Variants in CACNA2D3 observed in about 807,000 individuals in gnomAD.
CACNA2D3 encodes voltage-dependent calcium channel subunit alpha-2/delta-3.
Under a neutral mutation model 160.6 loss-of-function variants are expected in CACNA2D3, and 60 were observed. The observed-to-expected ratio is 0.37, with a 90% CI of 0.30 to 0.46. CACNA2D3 has a LOEUF of 0.46. CACNA2D3 is among the 20% of genes least tolerant of loss of function. CACNA2D3 has a pLI of 1.00. For missense variants in CACNA2D3, 1,205 were observed against 1,365.0 expected, an observed-to-expected ratio of 0.88 and a Z score of 1.85; for synonymous variants, 558 against 492.9, an observed-to-expected ratio of 1.13 and a Z score of -1.75.
intron 13 of CACNA2D3, among the ~76,000 whole-genome samples, chr3:54,800,152 T>G (rs1019701472): frequency 8.5e-5 from 13 of 152,198 alleles, no homozygotes; most frequent in African/African-American, 2.9e-4. Context: ...GCATCCTGTT[T>G]GGATATTTCC....
chr3:54,780,316 G>T (rs1702507643), intron 13 of CACNA2D3, among the ~76,000 whole-genome samples: 1 of 152,196 alleles, frequency 6.6e-6, no homozygotes, highest in African/African-American at 2.4e-5. Flanking sequence ...GAAGAACAGG[G>T]ACATTTGGGG....
At position 54,350,968 on chromosome 3, in the gene CACNA2D3, G is replaced by GTTTTTTTTTTTTTTTTTTTTTTTTTTTT. The variant is rs758501839; in HGVS notation, c.321+30423_321+30424insTTTTTTTTTTTTTTTTTTTTTTTTTTTT. On this transcript the variant is annotated intron_variant, in intron 3 of 37. Coordinates refer to ENST00000474759, the MANE Select transcript of CACNA2D3 (RefSeq NM_018398.3). ...GCTTGGATTTTGAGATCTTGAGTCT[G>GTTTTTTTTTTTTTTTTTTTTTTTTTTTT]TTTTTTTTTTTTTGTTTGTTTTTTT... Among the ~76,000 whole-genome samples, 46 of 56,128 alleles carry GTTTTTTTTTTTTTTTTTTTTTTTTTTTT rather than the reference G, an allele frequency of 8.2e-4. 15 individuals carry two copies. The highest frequency in any genetic ancestry group is 1.3e-3 in the Non-Finnish European group (37 of 28,634). The allele number at this position is 56,128 out of a possible 152,430, so 36.8% of individuals were successfully genotyped here.
At chr3:54,402,464 A>C (rs1423250783) in intron 4 of CACNA2D3, among the ~76,000 whole-genome samples, 1 of 151,960 alleles carries the variant, frequency 6.6e-6, no homozygotes, top group Non-Finnish European at 1.5e-5. Context: ...AATGGCAACC[A>C]AAAAAAAGAG....
chr3:54,768,053 A>G (rs1418304910), intron 13 of CACNA2D3, among the ~76,000 whole-genome samples: 2 of 152,184 alleles, frequency 1.3e-5, no homozygotes, highest in Non-Finnish European at 2.9e-5. Flanking sequence ...GGTAAAGACC[A>G]GTTAGGGCAA....
In CACNA2D3 at chr3:54,434,705, G is replaced by C. The variant is rs1284089423; in HGVS notation, c.381+47931G>C. ...TCAGGGGTCAGGCCCACCCAACCAG[G>C]AGGGTCTCCATCTGGAGACCATTCT... On this transcript the variant is annotated intron_variant, in intron 4 of 37. Transcript: ENST00000474759. Among the ~76,000 whole-genome samples the C allele has an allele frequency of 3.9e-5, 6 of 152,328 alleles. No individual in the cohort carries two copies. The East Asian group carries it at 9.7e-4, about 25-fold the overall frequency.
chr3:54,457,189 C>T (rs751481756), intron 4 of CACNA2D3, among the ~76,000 whole-genome samples: 1 of 151,634 alleles, frequency 6.6e-6, no homozygotes, highest in African/African-American at 2.4e-5. Context: ...TTGATGTATG[C>T]ATTTATTGTT....
At chr3:54,372,272 C>T (rs1399607393) in intron 3 of CACNA2D3, among the ~76,000 whole-genome samples, 6 of 152,150 alleles carry the variant, frequency 3.9e-5, no homozygotes, top group African/African-American at 7.2e-5. Context: ...CACAAAGTGG[C>T]GTTTTTGTTG....
intron 2 of CACNA2D3, among the ~76,000 whole-genome samples, chr3:54,216,149 G>A (rs957292479): frequency 6.6e-6 from 1 of 151,782 alleles, no homozygotes; most frequent in African/African-American, 2.4e-5. Flanking sequence ...GTGTGTGTGT[G>A]TGTGTATGGT....
chr3:54,289,040 A>G lies in CACNA2D3; in HGVS notation c.205-31402A>G, dbSNP rs1377386305. Among the ~76,000 whole-genome samples, 4 of 152,286 alleles carry G rather than the reference A, an allele frequency of 2.6e-5. No homozygotes were observed. The East Asian group carries it at 5.8e-4, about 22-fold the overall frequency. On this transcript the variant is annotated intron_variant, in intron 2 of 37. Coordinates refer to ENST00000474759, the MANE Select transcript of CACNA2D3 (RefSeq NM_018398.3). Reference sequence around the variant, plus strand: ...AGGGATGCCCTCTCTCACCACTCCTATTCAACATAGTGTTGGAAGTCCTGG... The same window carrying G: ...AGGGATGCCCTCTCTCACCACTCCTGTTCAACATAGTGTTGGAAGTCCTGG...
intron 27 of CACNA2D3, among the ~76,000 whole-genome samples, chr3:54,956,309 T>C (rs939171090): frequency 1.3e-5 from 2 of 152,152 alleles, no homozygotes; most frequent in African/African-American, 4.8e-5. Context: ...AGTCATCCTT[T>C]CCATGTACAA....
intron 27 of CACNA2D3, among the ~76,000 whole-genome samples, chr3:54,949,166 C>CTTG (rs1333127744): frequency 2.0e-5 from 3 of 152,176 alleles, no homozygotes; most frequent in African/African-American, 7.2e-5. Context: ...TGTCCTGGGG[C>CTTG]TTGTTCTCCT....
intron 11 of CACNA2D3, among the ~76,000 whole-genome samples, chr3:54,709,363 TC>T (rs143097783): frequency 0.65 from 96,352 of 148,244 alleles, 31,285 homozygotes; most frequent in Admixed American, 0.75. Flanking sequence ...TCTCTCTCTC[TC>T]TTTTTTTTTT....
rs531438801 is a variant in CACNA2D3 at position 54,459,220 on chromosome 3, T to G, written c.382-44272T>G. Among the ~76,000 whole-genome samples the G allele has an allele frequency of 6.6e-5, 10 of 152,120 alleles. 1 individual carries two copies. The South Asian group carries it at 1.2e-3, about 19-fold the overall frequency. On this transcript the variant is annotated intron_variant, in intron 4 of 37. Transcript: ENST00000474759. ...AAGTCTTTGCTATTGTGGATAGTGC[T>G]GCAATAAACATATGTGTGCATGTGT...
intron 11 of CACNA2D3, among the ~76,000 whole-genome samples, chr3:54,653,368 CTTTCTT>C (rs780876461): frequency 2.0e-4 from 30 of 152,092 alleles, no homozygotes; most frequent in Non-Finnish European, 2.8e-4. Context: ...TCCTCTTTCT[CTTTCTT>C]TCTCCTTCCC....
intron 13 of CACNA2D3, 86 bp downstream of exon 13, chr3:54,764,437 C>A: frequency 6.7e-7 from 1 of 1,501,984 alleles, no homozygotes; most frequent in Non-Finnish European, 9.1e-7. Flanking sequence ...AACTGTATCA[C>A]TCTTATTTTT....
chr3:55,059,183 G>C (rs1704439417), intron 35 of CACNA2D3, among the ~76,000 whole-genome samples: 1 of 152,040 alleles, frequency 6.6e-6, no homozygotes, highest in African/African-American at 2.4e-5. Flanking sequence ...TCATTCTGAG[G>C]CTATTCTATT....
Position 54,880,868 on chromosome 3 carries a change from G to A in CACNA2D3, c.1912+5G>A, listed in dbSNP as rs1559615036. The A allele has an allele frequency of 3.1e-6, 5 of 1,612,964 alleles. No homozygotes were observed. Among genetic ancestry groups the A allele is most frequent in the Non-Finnish European group, 4.2e-6 (5 of 1,178,986 alleles). On this transcript the variant is annotated splice_donor_5th_base_variant and intron_variant, in intron 21 of 37. Coordinates refer to ENST00000474759, the MANE Select transcript of CACNA2D3 (RefSeq NM_018398.3). ...GGAATGTAACCATCGAAGAAGGTAA[G>A]ATACTGCCTGGCTCGTCTTATCCTT...
chr3:54,799,607 A>C (rs143691322), intron 13 of CACNA2D3, among the ~76,000 whole-genome samples: 222 of 152,224 alleles, frequency 1.5e-3, no homozygotes, highest in Non-Finnish European at 2.7e-3. Context: ...AGTTTTCACT[A>C]ATTTTCTTCT....
intron 9 of CACNA2D3, among the ~76,000 whole-genome samples, chr3:54,587,687 AC>A (rs1437868503): frequency 6.6e-6 from 1 of 152,206 alleles, no homozygotes; most frequent in Non-Finnish European, 1.5e-5. Flanking sequence ...ATTGTAAACA[AC>A]TTTACACTCA....
Sources: gnomAD v4.1 joint callset for allele counts (sites outside exome capture counted in the v4.1 genomes callset) on GRCh38, gnomAD v4.1.1 for gene constraint, MANE v1.5 for transcripts, NCBI Gene and HGNC (gene_info 2026-07-23, HGNC 2026-07-21) for gene names.